CYRIB: variants seen among roughly 807,000 people sequenced by gnomAD.
CYRIB encodes the protein CYFIP-related Rac1 interactor B.
Under a neutral mutation model 44.2 loss-of-function variants are expected in CYRIB, and 8 were observed. The observed-to-expected ratio is 0.18, with a 90% CI of 0.11 to 0.33. CYRIB has a LOEUF of 0.33. CYRIB is among the 10% of genes least tolerant of loss of function. The pLI is 1.00. For missense variants in CYRIB, 185 were observed against 382.8 expected (o/e 0.48, Z 4.31); for synonymous variants, 131 against 127.2 (o/e 1.03, Z -0.20).
chr8:129,902,977 CAT>C (rs2073120461), intron 2 of CYRIB: 1 of 152,154 alleles, frequency 6.6e-6, no homozygotes, highest in African/African-American at 2.4e-5. Context: ...TATATATGTA[CAT>C]ATATATACTT....
chr8:129,901,343 A>C (rs1018973105), intron 2 of CYRIB: 1 of 151,914 alleles, frequency 6.6e-6, no homozygotes, highest in Non-Finnish European at 1.5e-5. Context: ...CAGCCTCCCG[A>C]GTAGCTGGGA....
Position 129,914,195 on chromosome 8 carries a change from G to T in CYRIB, c.-49-10845C>A, listed in dbSNP as rs138199152. Among the ~76,000 whole-genome samples, 70 of 152,212 alleles carry T rather than the reference G, an allele frequency of 4.6e-4. No homozygotes were observed. The South Asian group carries it at 0.01, about 22-fold the overall frequency. ...AAGGAGAGGATTTGCCAACAAAGAC[G>T]AAAGTGAAGCAAAGAAACAAAAGCG... On this transcript the variant is annotated intron_variant, in intron 1 of 11. Transcript: ENST00000519824.
At chr8:129,956,550 C>G (rs2131534571) in intron 2 of CYRIB, among the ~76,000 whole-genome samples, 1 of 151,972 alleles carries the variant, frequency 6.6e-6, no homozygotes, top group East Asian at 1.9e-4. Flanking sequence ...CACACACACA[C>G]ACACACACCT....
At chr8:129,873,004 A>T (rs2057886662) in intron 3 of CYRIB, among the ~76,000 whole-genome samples, 1 of 152,006 alleles carries the variant, frequency 6.6e-6, no homozygotes, top group East Asian at 1.9e-4. Context: ...ATTCTACCTA[A>T]TAAACCTGCC....
intron 9 of CYRIB, chr8:129,850,322 T>C (rs919679015): frequency 1.3e-5 from 2 of 158,554 alleles, no homozygotes; most frequent in African/African-American, 4.9e-5. Context: ...GTATCATACA[T>C]CATAAATGTT....
intron 1 of CYRIB, among the ~76,000 whole-genome samples, chr8:129,992,511 C>T (rs910503826): frequency 2.6e-5 from 4 of 152,064 alleles, no homozygotes; most frequent in African/African-American, 7.2e-5. Flanking sequence ...TGCTCTTTAA[C>T]GAACACTGTG....
At chr8:129,967,869 C>T (rs1382373712) in intron 2 of CYRIB, among the ~76,000 whole-genome samples, 1 of 152,180 alleles carries the variant, frequency 6.6e-6, no homozygotes, top group Admixed American at 6.5e-5. Flanking sequence ...TACTGCCTCT[C>T]CCTTAGTCCC....
chr8:129,956,082 G>A (rs920133513), intron 2 of CYRIB, among the ~76,000 whole-genome samples: 2 of 152,128 alleles, frequency 1.3e-5, no homozygotes, highest in African/African-American at 4.8e-5. Flanking sequence ...GCTTACATAA[G>A]TTTGAAAGAT....
At chr8:129,853,108 A>T (rs1449069048) in intron 7 of CYRIB, among the ~76,000 whole-genome samples, 1 of 152,260 alleles carries the variant, frequency 6.6e-6, no homozygotes. Context: ...AGGGGGATGG[A>T]GAAGACATTT....
Position 129,889,914 on chromosome 8 carries a change from C to T in CYRIB, c.-10-10443G>A, listed in dbSNP as rs2064427486. On this transcript the variant is annotated intron_variant, in intron 2 of 11. Coordinates refer to ENST00000519824, the Ensembl canonical transcript of CYRIB. The stretch of plus-strand genomic sequence containing the variant: ...TCAACCTACTGAGTAGCTGAGACTA[C>T]AGGCACAAGCCATCACAGCCAGCTG... Among the ~76,000 whole-genome samples, 3 of 152,000 alleles carry T rather than the reference C, an allele frequency of 2.0e-5. 1 individual carries two copies. The highest frequency in any genetic ancestry group is 6.6e-5 in the Admixed American group (1 of 15,264).
chr8:129,921,014 G>T (rs1472891578), intron 1 of CYRIB, among the ~76,000 whole-genome samples: 2 of 152,154 alleles, frequency 1.3e-5, no homozygotes, highest in Non-Finnish European at 2.9e-5. Flanking sequence ...CAAAAATGGA[G>T]AAAAATGTTG....
At chr8:129,953,826 C>T (rs1047000100) in intron 2 of CYRIB, among the ~76,000 whole-genome samples, 2 of 152,110 alleles carry the variant, frequency 1.3e-5, no homozygotes, top group African/African-American at 4.8e-5. Flanking sequence ...CCAAAATTAG[C>T]CTAAATGATC....
intron 1 of CYRIB, among the ~76,000 whole-genome samples, chr8:129,926,451 T>G (rs968041494): frequency 6.6e-6 from 1 of 152,222 alleles, no homozygotes; most frequent in African/African-American, 2.4e-5. Flanking sequence ...AATGGCTCCC[T>G]ACCAGAGATT....
Position 129,857,701 on chromosome 8 carries a change from T to C in CYRIB, c.302-1954A>G, listed in dbSNP as rs1017782295. ...GGTGTAACAGTGGATGTGAAGAAGA[T>C]CAATTAAAAGTCAAACATTTTGGGT... On this transcript the variant is annotated intron_variant, in intron 5 of 11. Transcript: ENST00000519824. Among the ~76,000 whole-genome samples the C allele has an allele frequency of 3.3e-5, 5 of 152,186 alleles. 1 individual carries two copies. Among genetic ancestry groups the C allele is most frequent in the Admixed American group, 3.3e-4 (5 of 15,274 alleles).
At chr8:129,972,743 A>AC (rs1460119025) in intron 1 of CYRIB, among the ~76,000 whole-genome samples, 1 of 151,280 alleles carries the variant, frequency 6.6e-6, no homozygotes, top group Non-Finnish European at 1.5e-5. Context: ...CCAGGAACAT[A>AC]CCCCACGCAC....
At chr8:129,882,583 GT>G (rs1363132959) in intron 2 of CYRIB, among the ~76,000 whole-genome samples, 2 of 152,108 alleles carry the variant, frequency 1.3e-5, no homozygotes, top group African/African-American at 4.8e-5. Context: ...CCTAAAATTA[GT>G]TCTATTAACA....
At chr8:129,895,631 T>C (rs373527319) in intron 2 of CYRIB, among the ~76,000 whole-genome samples, 2 of 152,216 alleles carry the variant, frequency 1.3e-5, no homozygotes, top group East Asian at 1.9e-4. Context: ...ACAGATTACA[T>C]AAATTCATTT....
chr8:129,841,100 G>A (rs2036097116), exon 12 of CYRIB: 1 of 151,968 alleles, frequency 6.6e-6, no homozygotes, highest in South Asian at 2.1e-4. Context: ...CTTTTCTCCT[G>A]GGAAGTCCCT....
intron 1 of CYRIB, among the ~76,000 whole-genome samples, chr8:129,998,905 CCTT>C (rs1455102521): frequency 3.3e-5 from 5 of 152,132 alleles, no homozygotes; most frequent in African/African-American, 2.4e-5. Flanking sequence ...TTTTTCTTCT[CCTT>C]CTTCTTTTTT....
Sources: gnomAD v4.1 joint callset for allele counts (sites outside exome capture counted in the v4.1 genomes callset) on GRCh38, gnomAD v4.1.1 for gene constraint, MANE v1.5 for transcripts, NCBI Gene and HGNC (gene_info 2026-07-23, HGNC 2026-07-21) for gene names.